RBM39: variants seen among roughly 807,000 people sequenced by gnomAD.
RBM39 encodes RNA binding motif protein 39.
A neutral mutation model predicts 79.6 loss-of-function variants in RBM39; 12 were observed. The ratio of observed to expected loss-of-function variants is 0.15; its 90% CI spans 0.10 to 0.24. The LOEUF is 0.24. Among genes scored for constraint, RBM39 ranks in the 10% least tolerant of loss-of-function variants. The pLI, the probability that RBM39 is intolerant of heterozygous loss-of-function variation, is 1.00. For missense variants in RBM39, 243 were observed against 653.4 expected, an observed-to-expected ratio of 0.37 and a Z score of 6.85; for synonymous variants, 185 against 208.4, an observed-to-expected ratio of 0.89 and a Z score of 0.97.
chr20:35,708,149 C>T (rs2035972647), intron 13 of RBM39, among the ~76,000 whole-genome samples: 1 of 150,472 alleles, frequency 6.6e-6, no homozygotes, highest in Admixed American at 6.7e-5. Context: ...TTCTCTGTAA[C>T]ATATAAGTTT....
At chr20:35,729,106 T>C (rs1385859646) in intron 6 of RBM39, among the ~76,000 whole-genome samples, 3 of 148,538 alleles carry the variant, frequency 2.0e-5, no homozygotes, top group African/African-American at 7.4e-5. Context: ...TAAATAAATA[T>C]ATAACTGTTG....
chr20:35,735,916 T>C (rs1401211433), intron 3 of RBM39, among the ~76,000 whole-genome samples: 1 of 152,200 alleles, frequency 6.6e-6, no homozygotes, highest in Non-Finnish European at 1.5e-5. Context: ...CATGGAGAAC[T>C]TGATGCTCAG....
intron 9 of RBM39, among the ~76,000 whole-genome samples, chr20:35,717,762 T>C (rs1265095555): frequency 6.6e-6 from 1 of 152,132 alleles, no homozygotes; most frequent in African/African-American, 2.4e-5. Flanking sequence ...GGCAGGAGGA[T>C]CGCATGTTAA....
chr20:35,713,102 A>G lies in RBM39; in HGVS notation c.1097-6T>C. ...CGGAATCTGCAAACCTGTACCTGTAAAAGAATAGTCTTAAAGTTCCTACTA... is the reference window on the plus strand; with the variant it reads ...CGGAATCTGCAAACCTGTACCTGTAGAAGAATAGTCTTAAAGTTCCTACTA... On this transcript the variant is annotated splice_region_variant and splice_polypyrimidine_tract_variant and intron_variant, in intron 11 of 16. Transcript: ENST00000253363. 6.2e-7 allele frequency: 1 copy of G among 1,612,070 alleles called. No individual in the cohort carries two copies. The highest frequency in any genetic ancestry group is 8.5e-7 in the Non-Finnish European group (1 of 1,178,816).
Position 35,703,257 on chromosome 20 carries a change from A to C in RBM39, c.*1224T>G, listed in dbSNP as rs957975992. The C allele has an allele frequency of 6.6e-6, 1 of 152,176 alleles. No homozygotes were observed. The highest frequency in any genetic ancestry group is 6.5e-5 in the Admixed American group (1 of 15,272). The allele number at this position is 152,176 out of a possible 1,614,324, so 9.4% of individuals were successfully genotyped here. A position where few individuals can be genotyped will look rare whatever the true frequency, so the allele number is the denominator to read the frequency against. ...ATTTAATATATTAATATATAAATCA[A>C]TTTTGGAAACCAGTTTGAAGTTAAG... On this transcript the variant is annotated 3_prime_UTR_variant, in exon 17 of 17. Transcript: ENST00000253363.
At chr20:35,735,229 G>C in intron 3 of RBM39, 1 of 1,222,956 alleles carries the variant, frequency 8.2e-7, no homozygotes, top group Non-Finnish European at 1.1e-6. Context: ...AATGGACGCT[G>C]ATTTAGACTT....
intron 4 of RBM39, among the ~76,000 whole-genome samples, chr20:35,729,828 TAC>T (rs1298242946): frequency 2.2e-5 from 2 of 90,928 alleles, no homozygotes; most frequent in Non-Finnish European, 4.7e-5. Flanking sequence ...CATATATATA[TAC>T]AGTCTTGAGA....
At position 35,729,345 on chromosome 20, in the gene RBM39, T is replaced by C; in HGVS notation, c.383A>G (p.Lys128Arg). ...GCTCTTGTCTTTTCTGAATGGACTT[T>C]TGCTTCGGGAACGTCGTCTGCTGCA... ...IKLSRRRSRS[K>R]SPFRKDKSPV... is the part of the protein sequence containing the mutation. Residue 128 changes from lysine (K) to arginine (R), a missense_variant, in exon 6 of 17, where the codon AAA (lysine) becomes AGA (arginine). Physicochemically the swap from Lys to Arg is conservative, Grantham distance 26. Transcript: ENST00000253363. The C allele has an allele frequency of 1.2e-6, 2 of 1,605,668 alleles. No individual in the cohort carries two copies. Among genetic ancestry groups the C allele is most frequent in the Admixed American group, 1.7e-5 (1 of 57,894 alleles).
intron 14 of RBM39, 106 bp downstream of exon 14, chr20:35,707,014 C>T (rs555355311): frequency 3.6e-4 from 186 of 520,568 alleles, no homozygotes; most frequent in Admixed American, 5.8e-4. Context: ...ACAACAAGAG[C>T]GAAACTCCAT....
At chr20:35,734,159 T>C (rs942016919) in intron 3 of RBM39, 26 of 1,269,796 alleles carry the variant, frequency 2.0e-5, no homozygotes, top group East Asian at 1.1e-4. Flanking sequence ...TTAGAGTGCA[T>C]TGAAAATAGA....
chr20:35,707,217 GA>G lies in RBM39; in HGVS notation c.1226-17del. The G allele has an allele frequency of 1.3e-6, 2 of 1,582,094 alleles. No individual in the cohort carries two copies. Among genetic ancestry groups the G allele is most frequent in the Non-Finnish European group, 1.7e-6 (2 of 1,156,532 alleles). On this transcript the variant is annotated splice_polypyrimidine_tract_variant and intron_variant, in intron 13 of 16. Coordinates refer to ENST00000253363, the MANE Select transcript of RBM39 (RefSeq NM_184234.3). ...AAAGCTGAAGCTAAAAAAAGAAAGA[GA>G]AAAATTAGTTTCATGGAAAATGCAT...
In RBM39 at chr20:35,738,986, T is replaced by C. The variant is rs2040263701; in HGVS notation, c.83A>G (p.His28Arg). ...AACTCACTTTTTGCTACGTTCTTCA[T>C]GGCCGTTGGCACTGCTCAACTTGTT... ...DENKLSSANG[H>R]EERSKKRKKS... Residue 28 changes from histidine to arginine, a missense_variant, in exon 3 of 17, where the codon CAT (histidine) becomes CGT (arginine). By Grantham distance (29) the His-to-Arg change is conservative. Transcript: ENST00000253363. The C allele has an allele frequency of 2.5e-6, 4 of 1,613,642 alleles. No homozygotes were observed. The highest frequency in any genetic ancestry group is 3.4e-6 in the Non-Finnish European group (4 of 1,179,524).
chr20:35,725,031 A>AGATT lies in RBM39; in HGVS notation c.534+3_534+6dup. 6.3e-7 allele frequency: 1 copy of AGATT among 1,592,672 alleles called. No individual in the cohort carries two copies. Among genetic ancestry groups the AGATT allele is most frequent in the African/African-American group, 1.3e-5 (1 of 74,328 alleles). On this transcript the variant is annotated splice_region_variant and intron_variant, in intron 7 of 16. Transcript: ENST00000253363. ...CTACTTGACCTCCCTAAACAGGTTA[A>AGATT]GATTACCTTTCCTACTGTAGAGAAA...
chr20:35,739,114 AT>A, intron 2 of RBM39, 97 bp from the exon 3 acceptor site: 1 of 1,012,376 alleles, frequency 9.9e-7, no homozygotes. Context: ...ATACAAAACA[AT>A]TTTAAAACTA....
chr20:35,721,966 T>C, intron 8 of RBM39, 89 bp from the exon 9 acceptor site: 1 of 1,437,238 alleles, frequency 7.0e-7, no homozygotes, highest in South Asian at 1.2e-5. Context: ...AATGTTAAAG[T>C]TTAGAGTGAT....
In RBM39 at chr20:35,714,398, TA is replaced by T. The variant is rs1201370406; in HGVS notation, c.892-10del. 5 of 1,613,158 alleles carry T rather than the reference TA, an allele frequency of 3.1e-6. No homozygotes were observed. The East Asian group carries it at 1.1e-4, about 36-fold the overall frequency. On this transcript the variant is annotated splice_polypyrimidine_tract_variant and intron_variant, in intron 10 of 16. Coordinates refer to ENST00000253363, the MANE Select transcript of RBM39 (RefSeq NM_184234.3). ...CATTCTGAGTCAGAAAACTACATGA[TA>T]GGGGAGGCAAGGACAGGAGACAGTG...
intron 11 of RBM39, chr20:35,713,556 C>G (rs2036713265): frequency 6.7e-6 from 1 of 149,684 alleles, no homozygotes; most frequent in African/African-American, 2.5e-5. Flanking sequence ...AACTCCTGAA[C>G]TTAGGTGATC....
chr20:35,724,506 T>TA, intron 8 of RBM39, 64 bp downstream of exon 8: 1 of 1,536,178 alleles, frequency 6.5e-7, no homozygotes, highest in Non-Finnish European at 8.9e-7. Context: ...AACAGCACTA[T>TA]ACCATGCAAC....
At chr20:35,714,455 A>C in intron 10 of RBM39, 66 bp from the exon 11 acceptor site, 7 of 1,462,798 alleles carry the variant, frequency 4.8e-6, no homozygotes, top group Non-Finnish European at 6.3e-6. Flanking sequence ...ACTATACTTA[A>C]AAATATATTT....
Sources: allele counts gnomAD v4.1 joint callset (sites outside exome capture counted in the v4.1 genomes callset), GRCh38; gene constraint gnomAD v4.1.1; transcripts MANE v1.5; gene names NCBI Gene and HGNC (gene_info 2026-07-23, HGNC 2026-07-21).